ITFG2: variants seen among roughly 807,000 people sequenced by gnomAD.
ITFG2 encodes the protein KICSTOR complex protein ITFG2.
In ITFG2, 36 loss-of-function variants were observed where a neutral mutation model predicts 54.4. The observed-to-expected ratio is 0.66, with a 90% CI of 0.51 to 0.87. ITFG2 has a LOEUF of 0.87. ITFG2 is among the 40% of genes least tolerant of loss of function. The pLI, the probability that ITFG2 is intolerant of heterozygous loss-of-function variation, is 0.00. For synonymous variants in ITFG2, 211 were observed against 225.4 expected (o/e 0.94, Z 0.57); for missense variants, 524 against 576.7 (o/e 0.91, Z 0.94).
intron 1 of ITFG2, among the ~76,000 whole-genome samples, chr12:2,813,087 A>G (rs2097913151): frequency 6.6e-6 from 1 of 152,156 alleles, no homozygotes; most frequent in Non-Finnish European, 1.5e-5. Flanking sequence ...CCCAGGCTGG[A>G]GTGCAGTGGC....
chr12:2,819,482 T>A (rs1249902335), intron 4 of ITFG2, among the ~76,000 whole-genome samples: 2 of 148,502 alleles, frequency 1.3e-5, no homozygotes, highest in African/African-American at 2.5e-5. Flanking sequence ...AAAAAAAAAA[T>A]GAGCTGAGCG....
At chr12:2,852,445 C>T (rs575056256) in intron 2 of ITFG2, among the ~76,000 whole-genome samples, 31 of 152,164 alleles carry the variant, frequency 2.0e-4, no homozygotes, top group Non-Finnish European at 3.2e-4. Flanking sequence ...TGGCTAACTG[C>T]AGCCTCGACC....
intron 2 of ITFG2, among the ~76,000 whole-genome samples, chr12:2,843,121 G>T (rs1022623276): frequency 1.3e-5 from 2 of 152,134 alleles, no homozygotes; most frequent in East Asian, 1.9e-4. Context: ...GGAAATTCCC[G>T]GAATATTCTT....
downstream of ITFG2, chr12:2,827,134 A>G: frequency 6.2e-7 from 1 of 1,603,880 alleles, no homozygotes; most frequent in Non-Finnish European, 8.5e-7. The surrounding 1 kb of genome is among the most constrained non-coding windows in gnomAD (Gnocchi z 4.0). Flanking sequence ...CCTGGCTTCA[A>G]GAGCCCCCGT....
At chr12:2,830,985 G>A, downstream of ITFG2, 1 of 965,268 alleles carries the variant, frequency 1.0e-6, no homozygotes, top group South Asian at 1.7e-5. Flanking sequence ...CTTACCCTAG[G>A]AGTTTACCCT....
chr12:2,827,165 T>C (rs1403894477), downstream of ITFG2: 8 of 1,613,326 alleles, frequency 5.0e-6, no homozygotes, highest in Admixed American at 3.3e-5. This position sits in a 1 kb window ranked among gnomAD's most constrained non-coding sequence, Gnocchi z 4.0. Flanking sequence ...CCTCTTCTTC[T>C]AAGGCAAGGT....
At chr12:2,816,575 C>T (rs1478072578) in intron 1 of ITFG2, among the ~76,000 whole-genome samples, 6 of 151,862 alleles carry the variant, frequency 4.0e-5, no homozygotes, top group Admixed American at 2.0e-4. Context: ...ATGATCCGCC[C>T]GCCTTGGCCT....
chr12:2,859,655 T>C (rs1251477478), exon 4 of ITFG2: 2 of 1,603,870 alleles, frequency 1.2e-6, no homozygotes, highest in Admixed American at 3.4e-5. Context: ...CCTCCTCAGC[T>C]AGCAGCACCT....
chr12:2,857,163 C>T (rs1303769193), intron 2 of ITFG2: 5 of 682,912 alleles, frequency 7.3e-6, no homozygotes, highest in African/African-American at 3.5e-5. Context: ...TCCCTGGAGC[C>T]TCTTGTGACC....
intron 2 of ITFG2, among the ~76,000 whole-genome samples, chr12:2,855,967 C>T (rs188053901): frequency 6.3e-4 from 96 of 152,254 alleles, no homozygotes; most frequent in African/African-American, 2.3e-3. Flanking sequence ...CCGTCACTGA[C>T]GCTTTCCTCC....
Position 2,845,779 on chromosome 12 carries a change from C to T in ITFG2, n.300+4784C>T, listed in dbSNP as rs899632277. On this transcript the variant is annotated intron_variant and non_coding_transcript_variant, in intron 2 of 3. Transcript: ENST00000537710. This position sits in a 1 kb window ranked among gnomAD's most constrained non-coding sequence, Gnocchi z 4.2. ...CCCACCCCACCAAAGGCTTTCAGGA[C>T]CTCTAGGTTCATTCGTGTGTGGGGA... Among the ~76,000 whole-genome samples the T allele has an allele frequency of 3.3e-5, 5 of 152,270 alleles. No homozygotes were observed. The South Asian group carries it at 6.2e-4, about 19-fold the overall frequency.
chr12:2,832,963 C>G (rs551559673), upstream of ITFG2, among the ~76,000 whole-genome samples: 15 of 152,042 alleles, frequency 9.9e-5, no homozygotes, highest in Admixed American at 2.6e-4. Context: ...GAGACTGGCT[C>G]TGCACTTCCC....
chr12:2,838,020 C>T (rs1389308532), intron 1 of ITFG2, among the ~76,000 whole-genome samples: 2 of 152,060 alleles, frequency 1.3e-5, no homozygotes, highest in Non-Finnish European at 2.9e-5. Context: ...CAAGATTTGC[C>T]CCACCCAGAG....
chr12:2,855,263 T>G lies in ITFG2; in HGVS notation n.301-2749T>G, dbSNP rs1374338795. ...CCCCAGGTGTGCTGGGCGCCACCCT[T>G]CCAAGGGTGGATGAGCCGCTGACGC... On this transcript the variant is annotated intron_variant and non_coding_transcript_variant, in intron 2 of 3. Coordinates refer to the ITFG2 transcript ENST00000537710. 6.6e-6 allele frequency: 10 copies of G among 1,513,482 alleles called. No homozygotes were observed. The East Asian group carries it at 2.2e-4, about 34-fold the overall frequency. 93.8% of individuals were successfully genotyped at this position (1,513,482 alleles called of 1,614,324 possible). A position where few individuals can be genotyped will look rare whatever the true frequency, so the allele number is the denominator to read the frequency against.
In ITFG2 at chr12:2,823,953, A is replaced by T; in HGVS notation, c.1240+10A>T. The T allele has an allele frequency of 1.2e-6, 2 of 1,612,446 alleles. No individual in the cohort carries two copies. The highest frequency in any genetic ancestry group is 1.7e-6 in the Non-Finnish European group (2 of 1,179,106). ...CAGGAGCTGGGCGTGGGTGAGTCCC[A>T]GAAAAGCCAGTGGCCCGAGTGCCCA... On this transcript the variant is annotated intron_variant, in intron 11 of 11. Coordinates refer to ENST00000228799, the MANE Select transcript of ITFG2 (RefSeq NM_018463.4).
At chr12:2,850,884 C>A (rs1014201171) in intron 2 of ITFG2, among the ~76,000 whole-genome samples, 3 of 151,040 alleles carry the variant, frequency 2.0e-5, no homozygotes, top group Admixed American at 6.6e-5. Context: ...GTTGGCCAGG[C>A]TGGTCTCGAA....
chr12:2,859,509 G>C (rs1444862763), intron 3 of ITFG2: 1 of 1,613,888 alleles, frequency 6.2e-7, no homozygotes, highest in Non-Finnish European at 8.5e-7. Flanking sequence ...GATGGGTCTC[G>C]CTAAGTGTGG....
At chr12:2,850,978 CTT>C (rs35125854) in intron 2 of ITFG2, among the ~76,000 whole-genome samples, 970 of 81,468 alleles carry the variant, frequency 0.012, 2 homozygotes, top group Middle Eastern at 0.02. Flanking sequence ...GGCCCAGAGT[CTT>C]TTTTTTTTTT....
Position 2,821,247 on chromosome 12 carries a change from A to G in ITFG2, c.696-15A>G, listed in dbSNP as rs769163652. On this transcript the variant is annotated splice_polypyrimidine_tract_variant and intron_variant, in intron 6 of 11. Transcript: ENST00000228799. ...ACTTGGTCTCCCGCTTGATCCGTCC[A>G]CCTGCTGTGCACAGGGAGACCCCAG... 6 of 1,591,844 alleles carry G rather than the reference A, an allele frequency of 3.8e-6. No homozygotes were observed. Among genetic ancestry groups the G allele is most frequent in the Non-Finnish European group, 5.1e-6 (6 of 1,166,654 alleles).
Sources: gnomAD v4.1 joint callset for allele counts (sites outside exome capture counted in the v4.1 genomes callset) on GRCh38, gnomAD v4.1.1 for gene constraint, Gnocchi (gnomAD v3.1) non-coding constraint, MANE v1.5 for transcripts, NCBI Gene and HGNC (gene_info 2026-07-23, HGNC 2026-07-21) for gene names.